The following LEF1 variants were observed in gnomAD, a reference collection of about 807,000 sequenced individuals.
The protein encoded by LEF1 is lymphoid enhancer binding factor 1.
LEF1 carries 14 observed loss-of-function variants against 51.2 expected under a neutral mutation model. That is an observed-to-expected ratio of 0.27 (90% CI 0.18 to 0.43). The LOEUF is 0.43. Among genes scored for constraint, LEF1 ranks in the 20% least tolerant of loss-of-function variants. The pLI is 1.00. For missense variants in LEF1, 386 were observed against 512.0 expected, an observed-to-expected ratio of 0.75 and a Z score of 2.37; for synonymous variants, 185 against 183.2, an observed-to-expected ratio of 1.01 and a Z score of -0.08.
chr4:108,063,781 C>T, intron 10 of LEF1, 118 bp from the exon 11 acceptor site: 2 of 695,994 alleles, frequency 2.9e-6, no homozygotes, highest in East Asian at 2.8e-5. Flanking sequence ...GTTCTTATAC[C>T]AGCCATTTTT....
chr4:108,099,559 T>C (rs1740627998), intron 3 of LEF1, among the ~76,000 whole-genome samples: 1 of 53,338 alleles, frequency 1.9e-5, no homozygotes, highest in Non-Finnish European at 4.0e-5. Flanking sequence ...TGTGTGTATG[T>C]GTGTGTGTGT....
At chr4:108,133,735 C>A (rs1743053291) in intron 3 of LEF1, among the ~76,000 whole-genome samples, 1 of 152,214 alleles carries the variant, frequency 6.6e-6, no homozygotes. Flanking sequence ...CAGTTTCCTA[C>A]TCAATAAACT....
intron 3 of LEF1, among the ~76,000 whole-genome samples, chr4:108,122,555 G>A (rs75694954): frequency 0.11 from 16,390 of 152,130 alleles, 1,152 homozygotes; most frequent in Non-Finnish European, 0.15. Flanking sequence ...CAGCCTCACT[G>A]CAGCCTCGAC....
rs112880035 is a variant in LEF1 at position 108,142,956 on chromosome 4, C to A, written c.414+20612G>T. On this transcript the variant is annotated intron_variant, in intron 3 of 11. Coordinates refer to ENST00000265165, the MANE Select transcript of LEF1 (RefSeq NM_016269.5). ...AGATAGTAGTCAATGAACCATCAGT[C>A]TTTAACTTTTCCAAGTCTACAAAGT... 4.4e-3 allele frequency among the ~76,000 whole-genome samples: 664 copies of A among 152,314 alleles called. 3 individuals are homozygous for A. Among genetic ancestry groups the A allele is most frequent in the African/African-American group, 0.015 (626 of 41,580 alleles).
intron 9 of LEF1, among the ~76,000 whole-genome samples, chr4:108,067,534 T>G (rs1380489109): frequency 1.4e-5 from 2 of 144,264 alleles, no homozygotes; most frequent in African/African-American, 5.2e-5. Context: ...AGAAGATCCT[T>G]TTTTTTTTTT....
At chr4:108,077,611 G>A (rs913676208) in intron 8 of LEF1, among the ~76,000 whole-genome samples, 1 of 111,536 alleles carries the variant, frequency 9.0e-6, no homozygotes, top group Non-Finnish European at 1.9e-5. Flanking sequence ...CCCGGCTGCC[G>A]CCCCGTCTGG....
intron 1 of LEF1, chr4:108,166,216 G>A (rs1002768471): frequency 2.6e-6 from 4 of 1,516,308 alleles, no homozygotes; most frequent in African/African-American, 2.8e-5. Flanking sequence ...AACGGGTAAA[G>A]AACACCATTC....
intron 3 of LEF1, among the ~76,000 whole-genome samples, chr4:108,129,986 C>T (rs948675307): frequency 1.3e-5 from 2 of 152,104 alleles, no homozygotes; most frequent in Non-Finnish European, 2.9e-5. Context: ...TTATGAGTAA[C>T]GATACTATTT....
chr4:108,093,861 C>A (rs775564123), intron 3 of LEF1, among the ~76,000 whole-genome samples: 1 of 152,206 alleles, frequency 6.6e-6, no homozygotes, highest in Admixed American at 6.5e-5. Flanking sequence ...ATCAGGCCAA[C>A]CTACCCACAT....
chr4:108,138,403 A>G (rs1047014295), intron 3 of LEF1, among the ~76,000 whole-genome samples: 4 of 152,228 alleles, frequency 2.6e-5, no homozygotes, highest in African/African-American at 9.6e-5. Context: ...AGTGAGCATT[A>G]TAATGCTTTA....
At chr4:108,066,633 G>T (rs1738099243) in intron 9 of LEF1, among the ~76,000 whole-genome samples, 1 of 152,176 alleles carries the variant, frequency 6.6e-6, no homozygotes, top group Non-Finnish European at 1.5e-5. Flanking sequence ...TACCTTCTAG[G>T]ATATCAACCA....
chr4:108,078,521 C>T, intron 7 of LEF1, 139 bp from the exon 8 acceptor site: 1 of 1,015,788 alleles, frequency 9.8e-7, no homozygotes, highest in Non-Finnish European at 1.5e-6. Context: ...CCACCACCAA[C>T]TTGGAAGAGC....
intron 3 of LEF1, among the ~76,000 whole-genome samples, chr4:108,122,362 G>A (rs529565577): frequency 3.2e-4 from 48 of 152,096 alleles, no homozygotes; most frequent in African/African-American, 1.0e-3. Flanking sequence ...TGATCATGGC[G>A]TATTTTTTTC....
intron 3 of LEF1, among the ~76,000 whole-genome samples, chr4:108,106,566 A>T (rs1741181377): frequency 6.6e-6 from 1 of 152,166 alleles, no homozygotes; most frequent in Admixed American, 6.5e-5. Context: ...ATGTACACAC[A>T]TTAGGGTACT....
Position 108,083,370 on chromosome 4 carries a change from G to C in LEF1, c.624C>G (p.Thr208=), listed in dbSNP as rs1291747023. The change falls in exon 5 of 12, where the codon ACC becomes ACG. Residue 208 remains threonine, a synonymous_variant. Coordinates refer to ENST00000265165, the MANE Select transcript of LEF1 (RefSeq NM_016269.5). The part of the protein sequence containing the change: ...PLSPGGVGQI[T]PPLGWQGQPV... ...AAGGTTCTTACCAGCCAAGAGGTGG[G>C]GTGATCTGTCCAACACCACCCGGAG... The C allele has an allele frequency of 6.2e-7, 1 of 1,611,784 alleles. No homozygotes were observed. The highest frequency in any genetic ancestry group is 1.3e-5 in the African/African-American group (1 of 74,856).
At chr4:108,094,879 T>A (rs184486345) in intron 3 of LEF1, among the ~76,000 whole-genome samples, 22 of 152,316 alleles carry the variant, frequency 1.4e-4, no homozygotes, top group Non-Finnish European at 2.9e-4. Flanking sequence ...ACTCGTGACA[T>A]AAAGCCATGT....
At chr4:108,152,939 G>A (rs1316345782) in intron 3 of LEF1, among the ~76,000 whole-genome samples, 1 of 152,202 alleles carries the variant, frequency 6.6e-6, no homozygotes, top group Non-Finnish European at 1.5e-5. Context: ...GTGCTTTGCT[G>A]CTGCTCTCTT....
intron 3 of LEF1, among the ~76,000 whole-genome samples, chr4:108,107,894 G>C (rs1741276426): frequency 1.3e-5 from 2 of 152,016 alleles, no homozygotes; most frequent in African/African-American, 2.4e-5. Context: ...ATTACCACAT[G>C]AAGATGCTTA....
At chr4:108,104,561 A>G (rs561813970) in intron 3 of LEF1, 2 of 235,352 alleles carry the variant, frequency 8.5e-6, no homozygotes, top group Non-Finnish European at 1.4e-5. Flanking sequence ...TGACAGGGGA[A>G]TTCCAGCAAG....
Sources: allele counts gnomAD v4.1 joint callset (sites outside exome capture counted in the v4.1 genomes callset), GRCh38; gene constraint gnomAD v4.1.1; transcripts MANE v1.5; gene names NCBI Gene and HGNC (gene_info 2026-07-23, HGNC 2026-07-21).